SUPT3H: variants seen among roughly 807,000 people sequenced by gnomAD.
SUPT3H encodes SPT3 homolog, SAGA and STAGA complex component.
A neutral mutation model predicts 44.3 loss-of-function variants in SUPT3H; 44 were observed. The ratio of observed to expected loss-of-function variants is 0.99; its 90% CI spans 0.78 to 1.28. SUPT3H has a LOEUF of 1.28. Among genes scored for constraint, SUPT3H ranks in the 50% most tolerant of loss-of-function variants. The pLI, the probability that SUPT3H is intolerant of heterozygous loss-of-function variation, is 0.00. For synonymous variants in SUPT3H, 124 were observed against 125.6 expected, an observed-to-expected ratio of 0.99 and a Z score of 0.09; for missense variants, 380 against 387.1, an observed-to-expected ratio of 0.98 and a Z score of 0.15.
intron 2 of SUPT3H, among the ~76,000 whole-genome samples, chr6:45,316,537 A>C (rs1393214053): frequency 6.6e-6 from 1 of 152,136 alleles, no homozygotes; most frequent in Non-Finnish European, 1.5e-5. Flanking sequence ...GTAAAACCTA[A>C]AGACTCTGGA....
chr6:45,320,896 T>C (rs1041071362), intron 2 of SUPT3H, among the ~76,000 whole-genome samples: 2 of 152,176 alleles, frequency 1.3e-5, no homozygotes, highest in African/African-American at 4.8e-5. Flanking sequence ...GTTGTAGTAG[T>C]ATAAATAATT....
intron 3 of SUPT3H, among the ~76,000 whole-genome samples, chr6:45,068,479 A>G (rs567428698): frequency 2.6e-5 from 4 of 152,258 alleles, no homozygotes; most frequent in African/African-American, 9.6e-5. Flanking sequence ...AATAAAAAAA[A>G]AAGATAGGGA....
intron 10 of SUPT3H, among the ~76,000 whole-genome samples, chr6:44,852,897 T>C (rs1045889687): frequency 1.3e-5 from 2 of 152,222 alleles, no homozygotes; most frequent in African/African-American, 4.8e-5. Context: ...TATGCAGCAA[T>C]TTGTTTTGCA....
chr6:44,939,124 G>A (rs1578676), intron 9 of SUPT3H, among the ~76,000 whole-genome samples: 69,020 of 151,942 alleles, frequency 0.45, 16,185 homozygotes, highest in Admixed American at 0.55. Context: ...AGTGGTTAAA[G>A]TGGGCATCAT....
rs532873805 is a variant in SUPT3H at position 44,963,264 on chromosome 6, C to T, written c.505-1436G>A. ...CTGTAATCCCAGCACTTGGGAGGTCCAGGCAGGTGGATCACTTGAAGGCAG... is the reference window on the plus strand; with the variant it reads ...CTGTAATCCCAGCACTTGGGAGGTCTAGGCAGGTGGATCACTTGAAGGCAG... On this transcript the variant is annotated intron_variant, in intron 6 of 10. Transcript: ENST00000371459. Among the ~76,000 whole-genome samples, 9 of 152,146 alleles carry T rather than the reference C, an allele frequency of 5.9e-5. No homozygotes were observed. The East Asian group carries it at 1.5e-3, about 26-fold the overall frequency.
At chr6:45,273,528 T>C (rs1211628896) in intron 2 of SUPT3H, among the ~76,000 whole-genome samples, 1 of 152,224 alleles carries the variant, frequency 6.6e-6, no homozygotes, top group Non-Finnish European at 1.5e-5. Flanking sequence ...ATACATGTTA[T>C]AACAAGTTAG....
chr6:45,024,962 G>A (rs1377653902), intron 3 of SUPT3H, among the ~76,000 whole-genome samples: 3 of 151,790 alleles, frequency 2.0e-5, no homozygotes, highest in Non-Finnish European at 4.4e-5. Context: ...TTTCATACTG[G>A]AACTAAACAT....
intron 1 of SUPT3H, among the ~76,000 whole-genome samples, chr6:45,371,289 C>G (rs770775760): frequency 6.6e-6 from 1 of 151,770 alleles, no homozygotes; most frequent in Non-Finnish European, 1.5e-5. Context: ...TGTTTAAAAA[C>G]AGTTTATGTG....
At chr6:45,012,162 T>C (rs759585279) in intron 5 of SUPT3H, among the ~76,000 whole-genome samples, 2 of 151,844 alleles carry the variant, frequency 1.3e-5, no homozygotes, top group Non-Finnish European at 2.9e-5. Context: ...TTTATCCTAA[T>C]TGGAGCTTGT....
chr6:45,045,934 CT>C (rs1158654622), intron 3 of SUPT3H, among the ~76,000 whole-genome samples: 11 of 152,106 alleles, frequency 7.2e-5, no homozygotes, highest in Admixed American at 1.3e-4. Context: ...CAATGTATCA[CT>C]TTTTCTTTTG....
At chr6:45,331,696 G>C (rs758004995) in intron 2 of SUPT3H, among the ~76,000 whole-genome samples, 1 of 151,844 alleles carries the variant, frequency 6.6e-6, no homozygotes, top group Non-Finnish European at 1.5e-5. Context: ...ACACTGAAAA[G>C]AAATTGTGGA....
In SUPT3H at chr6:45,007,737, CT is replaced by C. The variant is rs940243414; in HGVS notation, c.365-3946del. On this transcript the variant is annotated intron_variant, in intron 5 of 10. Transcript: ENST00000371459. ...CCCTCACCCTAAGTATTCCCCCCCA[CT>C]TTTTTTTTTTTTTGCTGCTTGATGG... Among the ~76,000 whole-genome samples, 268 of 142,420 alleles carry C rather than the reference CT, an allele frequency of 1.9e-3. 1 individual carries two copies. Among genetic ancestry groups the C allele is most frequent in the Middle Eastern group, 0.014 (4 of 278 alleles). The allele number at this position is 142,420 out of a possible 152,430, so 93.4% of individuals were successfully genotyped here.
At position 45,371,779 on chromosome 6, in the gene SUPT3H, AACAG is replaced by A. The variant is rs915437280; in HGVS notation, c.-1+5985_-1+5988del. ...CTTAGGTAGATGGATAAGCAACTAT[AACAG>A]ACAAACATATATGCAAATTGGTGGG... On this transcript the variant is annotated intron_variant, in intron 1 of 10. Coordinates refer to ENST00000371459, the MANE Select transcript of SUPT3H (RefSeq NM_003599.4). The A allele has an allele frequency of 1.1e-5, 11 of 956,794 alleles. No homozygotes were observed. The Admixed American group carries it at 3.7e-4, about 32-fold the overall frequency. 59.3% of individuals were successfully genotyped at this position (956,794 alleles called of 1,614,324 possible).
intron 6 of SUPT3H, among the ~76,000 whole-genome samples, chr6:44,982,544 G>T (rs1052248811): frequency 3.3e-5 from 5 of 152,122 alleles, no homozygotes; most frequent in African/African-American, 1.2e-4. Flanking sequence ...AATGTCACTG[G>T]AAGAAGCCAT....
intron 2 of SUPT3H, among the ~76,000 whole-genome samples, chr6:45,302,646 CAT>C (rs535216650): frequency 2.5e-4 from 37 of 150,322 alleles, no homozygotes; most frequent in South Asian, 1.1e-3. Context: ...CTGCTGTAAA[CAT>C]GTGTGTGCAA....
chr6:45,269,172 G>T (rs748353337), intron 2 of SUPT3H, among the ~76,000 whole-genome samples: 1 of 152,140 alleles, frequency 6.6e-6, no homozygotes, highest in African/African-American at 2.4e-5. Flanking sequence ...AACAGGTATC[G>T]TCAAATCAAA....
At chr6:45,006,767 C>T (rs909923614) in intron 5 of SUPT3H, among the ~76,000 whole-genome samples, 1 of 151,900 alleles carries the variant, frequency 6.6e-6, no homozygotes, top group South Asian at 2.1e-4. Context: ...TTTGGCTTTC[C>T]GATGAAAAGG....
At chr6:45,181,830 A>C (rs1334864979) in intron 2 of SUPT3H, among the ~76,000 whole-genome samples, 3 of 151,640 alleles carry the variant, frequency 2.0e-5, no homozygotes, top group East Asian at 1.9e-4. Flanking sequence ...ACTAACCTGC[A>C]CATTGTGCAC....
At chr6:45,329,647 C>T (rs1456297665) in intron 2 of SUPT3H, among the ~76,000 whole-genome samples, 1 of 151,882 alleles carries the variant, frequency 6.6e-6, no homozygotes, top group Non-Finnish European at 1.5e-5. Flanking sequence ...AAAAATAAAG[C>T]TCCATAAGGA....
Sources: allele counts gnomAD v4.1 joint callset (sites outside exome capture counted in the v4.1 genomes callset), GRCh38; gene constraint gnomAD v4.1.1; transcripts MANE v1.5; gene names NCBI Gene and HGNC (gene_info 2026-07-23, HGNC 2026-07-21).